The following TBC1D31 variants were observed in gnomAD, a reference collection of about 807,000 sequenced individuals.
The protein encoded by TBC1D31 is WD repeat domain 67.
In TBC1D31, 99 loss-of-function variants were observed where a neutral mutation model predicts 132.9. That is an observed-to-expected ratio of 0.74 (90% CI 0.63 to 0.88). TBC1D31 has a LOEUF of 0.88. TBC1D31 is among the 40% of genes least tolerant of loss of function. The pLI, the probability that TBC1D31 is intolerant of heterozygous loss-of-function variation, is 0.00. For missense variants in TBC1D31, 1,134 were observed against 1,256.6 expected (o/e 0.90, Z 1.48); for synonymous variants, 385 against 419.4 (o/e 0.92, Z 1.00).
chr8:123,109,513 T>A lies in TBC1D31; in HGVS notation c.1329T>A (p.Asn443Lys). Reference protein sequence around the residue: ...IWRSLLQLPENHTAFSTLIDK... With the variant: ...IWRSLLQLPEKHTAFSTLIDK... Reference sequence around the variant, plus strand: ...GCTCTCTGCTACAACTGCCTGAAAATCATACTGCGTTTAGTACCCTCATAG... The same window carrying A: ...GCTCTCTGCTACAACTGCCTGAAAAACATACTGCGTTTAGTACCCTCATAG... Residue 443 changes from asparagine (N) to lysine (K), a missense_variant, in exon 10 of 22, where the codon AAT becomes AAA. Physicochemically the swap from Asn to Lys is moderately conservative, Grantham distance 94. Transcript: ENST00000287380. 7 of 1,613,974 alleles carry A rather than the reference T, an allele frequency of 4.3e-6. No individual in the cohort carries two copies. The highest frequency in any genetic ancestry group is 5.1e-6 in the Non-Finnish European group (6 of 1,179,964).
intron 11 of TBC1D31, among the ~76,000 whole-genome samples, chr8:123,121,027 C>T (rs1427998507): frequency 4.1e-5 from 6 of 146,792 alleles, no homozygotes; most frequent in Non-Finnish European, 7.4e-5. Flanking sequence ...CAGTAGTGCT[C>T]ACTGCAACCT....
chr8:123,128,056 T>C, intron 13 of TBC1D31: 1 of 346,196 alleles, frequency 2.9e-6, no homozygotes, highest in South Asian at 1.0e-4. Flanking sequence ...AGAAAAGCCT[T>C]CATTTTTTAA....
At chr8:123,097,046 A>C (rs1456652332) in intron 5 of TBC1D31, among the ~76,000 whole-genome samples, 1 of 152,228 alleles carries the variant, frequency 6.6e-6, no homozygotes, top group African/African-American at 2.4e-5. Context: ...AATATATACT[A>C]TAAACCTGAG....
chr8:123,157,195 C>T, the TBC1D31 span, among the ~76,000 whole-genome samples: 1 of 152,158 alleles, frequency 6.6e-6, no homozygotes, highest in East Asian at 1.9e-4. Flanking sequence ...CGCTTCTTTC[C>T]GGCGGGGTTG....
At chr8:123,092,133 G>A (rs1295741780) in intron 4 of TBC1D31, among the ~76,000 whole-genome samples, 1 of 152,112 alleles carries the variant, frequency 6.6e-6, no homozygotes, top group African/African-American at 2.4e-5. Context: ...TCATGCCTCA[G>A]CCTCTTGAGT....
chr8:123,108,177 T>G (rs966365338), intron 8 of TBC1D31, among the ~76,000 whole-genome samples: 1 of 152,330 alleles, frequency 6.6e-6, no homozygotes, highest in Non-Finnish European at 1.5e-5. Context: ...CTTCGAGTCT[T>G]GAGCCAAGAT....
chr8:123,129,490 CATT>C (rs1316331540), intron 15 of TBC1D31, among the ~76,000 whole-genome samples: 3 of 152,174 alleles, frequency 2.0e-5, no homozygotes, highest in South Asian at 2.1e-4. Context: ...TATTTAGAAA[CATT>C]ATTCTATAGT....
rs1194572310 is a variant in TBC1D31 at position 123,077,151 on chromosome 8, C to T, written c.118C>T (p.Pro40Ser). Residue 40 changes from proline to serine, a missense_variant, in exon 2 of 22, where the codon CCA (proline) becomes TCA (serine). Transcript: ENST00000287380. ...TATTCACAACACTTCCGATTACCAT[C>T]CAAAAGTTTTGCGATTTTTGAATGT... is the stretch of plus-strand genomic sequence containing the variant. Reference protein sequence around the residue: ...NIIHNTSDYHPKVLRFLNVAF... With the variant: ...NIIHNTSDYHSKVLRFLNVAF... 3.1e-6 allele frequency: 5 copies of T among 1,612,140 alleles called. 1 individual carries two copies. The highest frequency in any genetic ancestry group is 2.7e-5 in the African/African-American group (2 of 74,782).
chr8:123,112,529 G>A (rs760397583), intron 10 of TBC1D31, among the ~76,000 whole-genome samples: 8 of 152,058 alleles, frequency 5.3e-5, no homozygotes, highest in Non-Finnish European at 7.4e-5. Context: ...ATTTAACAAC[G>A]TATTTTGGAT....
intron 2 of TBC1D31, among the ~76,000 whole-genome samples, chr8:123,078,583 A>T (rs908150915): frequency 1.3e-5 from 2 of 152,200 alleles, no homozygotes; most frequent in South Asian, 4.1e-4. Flanking sequence ...AGAATCAAGG[A>T]TATTTGCAAA....
At chr8:123,136,991 C>T (rs1231735464) in intron 17 of TBC1D31, among the ~76,000 whole-genome samples, 1 of 152,148 alleles carries the variant, frequency 6.6e-6, no homozygotes, top group African/African-American at 2.4e-5. Context: ...CAATTTATCT[C>T]TTACATTAGG....
rs751479788 is a variant in TBC1D31, at chr8:123,082,797, C to T, written c.320C>T (p.Ser107Phe). The T allele has an allele frequency of 1.2e-6, 2 of 1,611,128 alleles. No individual in the cohort carries two copies. Among genetic ancestry groups the T allele is most frequent in the African/African-American group, 1.3e-5 (1 of 74,904 alleles). The change falls in exon 3 of 22, where the codon TCT becomes TTT. Residue 107 changes from serine (S) to phenylalanine (F), a missense_variant. Physicochemically the swap from Ser to Phe is radical, Grantham distance 155. Coordinates refer to ENST00000287380, the MANE Select transcript of TBC1D31 (RefSeq NM_145647.4). Reference sequence around the variant, plus strand: ...TTCCTTGTGGCATTAGCTGATTATTCTATTAAATGTTTTGATACAGGTAAG... The same window carrying T: ...TTCCTTGTGGCATTAGCTGATTATTTTATTAAATGTTTTGATACAGGTAAG... The part of the protein sequence containing the change: ...SEFLVALADY[S>F]IKCFDTVTKE...
intron 4 of TBC1D31, among the ~76,000 whole-genome samples, chr8:123,087,245 G>GT (rs1204823442): frequency 2.0e-5 from 3 of 152,060 alleles, no homozygotes; most frequent in East Asian, 3.9e-4. Context: ...TGGTTTTCAG[G>GT]TTTTTTTTCT....
chr8:123,163,061 G>A, the TBC1D31 span, among the ~76,000 whole-genome samples: 7 of 151,972 alleles, frequency 4.6e-5, no homozygotes, highest in Admixed American at 1.3e-4. Flanking sequence ...TCCTGATCTC[G>A]TGATCTGCCC....
Position 123,128,310 on chromosome 8 carries a change from T to C in TBC1D31, c.1914T>C (p.Asp638=). ...TTTTTCACCATCGGAATAACCTGGA[T>C]ATAAATGTTGTGATTAGACAAGTTT... ...EFFFHHRNNL[D]INVVIRQVYH... is the part of the protein sequence containing the mutation. The change falls in exon 14 of 22, where the codon GAT becomes GAC. Residue 638 remains aspartate (D), a synonymous_variant. Coordinates refer to ENST00000287380, the MANE Select transcript of TBC1D31 (RefSeq NM_145647.4). 6.2e-7 allele frequency: 1 copy of C among 1,610,720 alleles called. No individual in the cohort carries two copies.
the TBC1D31 span, among the ~76,000 whole-genome samples, chr8:123,158,912 G>T: frequency 6.6e-6 from 1 of 152,218 alleles, no homozygotes; most frequent in East Asian, 1.9e-4. Context: ...CCAGTCCTCG[G>T]GAAGCTCCTG....
intron 10 of TBC1D31, among the ~76,000 whole-genome samples, chr8:123,112,987 A>C (rs1586650640): frequency 2.0e-5 from 3 of 152,184 alleles, no homozygotes; most frequent in African/African-American, 7.2e-5. Flanking sequence ...GAGAGCCGTA[A>C]ATATCTTGGG....
rs768332800 is a variant in TBC1D31, at chr8:123,100,334, C to T, written c.832-473C>T. 7.3e-4 allele frequency among the ~76,000 whole-genome samples: 111 copies of T among 152,120 alleles called. 1 individual carries two copies. Among genetic ancestry groups the T allele is most frequent in the Non-Finnish European group, 1.4e-3 (97 of 67,994 alleles). ...TGCCTGTCTGTAATCCCAGCACTTT[C>T]GGAGGCCGAGGCAGGCAGATCACCT... On this transcript the variant is annotated intron_variant, in intron 6 of 21. Transcript: ENST00000287380.
chr8:123,074,345 CTG>C (rs1814260157), intron 1 of TBC1D31, among the ~76,000 whole-genome samples: 1 of 152,190 alleles, frequency 6.6e-6, no homozygotes, highest in African/African-American at 2.4e-5. Flanking sequence ...AGTGCCTACT[CTG>C]TATATCCAAA....
Sources: gnomAD v4.1 joint callset for allele counts (sites outside exome capture counted in the v4.1 genomes callset) on GRCh38, gnomAD v4.1.1 for gene constraint, MANE v1.5 for transcripts, NCBI Gene and HGNC (gene_info 2026-07-23, HGNC 2026-07-21) for gene names.